Variants in RNLS observed in about 807,000 individuals in gnomAD.
RNLS encodes the protein renalase, FAD dependent amine oxidase.
RNLS carries 39 observed loss-of-function variants against 39.8 expected under a neutral mutation model. That is an observed-to-expected ratio of 0.98 (90% CI 0.76 to 1.28). The LOEUF (loss-of-function observed/expected upper bound fraction) is 1.28. Ranked by LOEUF, RNLS falls within the 50% of genes most tolerant of loss-of-function variation. RNLS has a pLI of 0.00. For missense variants in RNLS, 410 were observed against 413.3 expected, an observed-to-expected ratio of 0.99 and a Z score of 0.07; for synonymous variants, 147 against 150.7, an observed-to-expected ratio of 0.98 and a Z score of 0.18.
At chr10:88,582,942 G>C in intron 1 of RNLS, 131 bp downstream of exon 1, 1 of 1,090,174 alleles carries the variant, frequency 9.2e-7, no homozygotes. Flanking sequence ...CATGGGCCGC[G>C]CTACACGGCC....
chr10:88,416,155 T>C (rs1472377927), intron 4 of RNLS, among the ~76,000 whole-genome samples: 1 of 151,494 alleles, frequency 6.6e-6, no homozygotes, highest in Non-Finnish European at 1.5e-5. Flanking sequence ...TCAAAATTAT[T>C]CAGTTGCTAC....
the RNLS span, among the ~76,000 whole-genome samples, chr10:88,190,280 T>C: frequency 6.6e-6 from 1 of 152,254 alleles, no homozygotes. Flanking sequence ...TCATTCACCA[T>C]CTGTTCTGAT....
chr10:88,561,303 C>T (rs1371925425), intron 4 of RNLS, among the ~76,000 whole-genome samples: 1 of 152,044 alleles, frequency 6.6e-6, no homozygotes, highest in Non-Finnish European at 1.5e-5. Flanking sequence ...TTAAAAATGA[C>T]TTAAAACCAC....
intron 3 of RNLS, among the ~76,000 whole-genome samples, chr10:88,575,155 T>C (rs1436589908): frequency 8.1e-5 from 5 of 62,072 alleles, no homozygotes; most frequent in African/African-American, 4.2e-4. Context: ...TATATATATA[T>C]ATATACACAC....
At chr10:88,194,918 T>C in the RNLS span, among the ~76,000 whole-genome samples, 1 of 152,210 alleles carries the variant, frequency 6.6e-6, no homozygotes, top group African/African-American at 2.4e-5. Flanking sequence ...CTTAACTTTG[T>C]TTTCTTTTTT....
chr10:88,423,656 T>C (rs1268362762), intron 4 of RNLS, among the ~76,000 whole-genome samples: 1 of 152,238 alleles, frequency 6.6e-6, no homozygotes, highest in Non-Finnish European at 1.5e-5. Context: ...ACTTATTGGA[T>C]TTATAAAAAG....
At chr10:88,283,422 C>T (rs1001438413), downstream of RNLS, among the ~76,000 whole-genome samples, 1 of 152,094 alleles carries the variant, frequency 6.6e-6, no homozygotes, top group Admixed American at 6.6e-5. Flanking sequence ...TTCCCTCCCC[C>T]TCCTTTGGAG....
intron 6 of RNLS, among the ~76,000 whole-genome samples, chr10:88,307,385 C>G (rs1278914616): frequency 1.3e-5 from 2 of 152,134 alleles, no homozygotes; most frequent in Admixed American, 6.6e-5. Flanking sequence ...GTTGAACTAC[C>G]CTGTTTGTAG....
At chr10:88,269,191 T>G (rs1176313408), downstream of RNLS, among the ~76,000 whole-genome samples, 1 of 152,208 alleles carries the variant, frequency 6.6e-6, no homozygotes, top group Non-Finnish European at 1.5e-5. Flanking sequence ...TGGCCACTTT[T>G]AAACATATTT....
At chr10:88,493,283 T>C (rs1485121380) in intron 4 of RNLS, among the ~76,000 whole-genome samples, 1 of 152,084 alleles carries the variant, frequency 6.6e-6, no homozygotes, top group East Asian at 1.9e-4. Context: ...TCTGATAATC[T>C]AGCAAAGTAG....
At chr10:88,341,247 T>C (rs1203390336) in intron 5 of RNLS, among the ~76,000 whole-genome samples, 7 of 147,190 alleles carry the variant, frequency 4.8e-5, no homozygotes, top group African/African-American at 1.8e-4. Flanking sequence ...GAGAATTGCT[T>C]GAACCTGGAA....
At chr10:88,430,635 G>A (rs1855076520) in intron 4 of RNLS, among the ~76,000 whole-genome samples, 1 of 151,726 alleles carries the variant, frequency 6.6e-6, no homozygotes, top group Admixed American at 6.6e-5. Context: ...TTCACAGATG[G>A]CCATTGATTG....
chr10:88,376,673 A>G (rs1215267316), intron 4 of RNLS, among the ~76,000 whole-genome samples: 1 of 152,164 alleles, frequency 6.6e-6, no homozygotes, highest in East Asian at 1.9e-4. Flanking sequence ...TACCAAAATC[A>G]GAATGGGATT....
chr10:88,246,633 T>G, the RNLS span, among the ~76,000 whole-genome samples: 1 of 152,144 alleles, frequency 6.6e-6, no homozygotes, highest in Admixed American at 6.5e-5. Context: ...TTTTTTTCCT[T>G]CCCGTTCCTT....
intron 4 of RNLS, among the ~76,000 whole-genome samples, chr10:88,424,486 A>G (rs1350076228): frequency 6.6e-6 from 1 of 152,058 alleles, no homozygotes; most frequent in Non-Finnish European, 1.5e-5. Flanking sequence ...AGACCACAAG[A>G]AAAGCAGCAT....
At chr10:88,194,821 A>C in the RNLS span, among the ~76,000 whole-genome samples, 1 of 152,342 alleles carries the variant, frequency 6.6e-6, no homozygotes, top group South Asian at 2.1e-4. Flanking sequence ...TATCTTCAAA[A>C]ATTGTTTATT....
chr10:88,288,380 A>G (rs1324946054), intron 6 of RNLS, among the ~76,000 whole-genome samples: 1 of 152,164 alleles, frequency 6.6e-6, no homozygotes, highest in Non-Finnish European at 1.5e-5. Context: ...ATTTCCATAA[A>G]GACTCGATGA....
At chr10:88,543,844 A>G (rs1464246435) in intron 4 of RNLS, among the ~76,000 whole-genome samples, 1 of 152,164 alleles carries the variant, frequency 6.6e-6, no homozygotes, top group Non-Finnish European at 1.5e-5. Context: ...TAAAATATAT[A>G]TTATTTGCTT....
chr10:88,314,909 A>C (rs1377871813), intron 5 of RNLS, among the ~76,000 whole-genome samples: 1 of 152,204 alleles, frequency 6.6e-6, no homozygotes, highest in Non-Finnish European at 1.5e-5. Flanking sequence ...AGTGCATTTA[A>C]TATGAACTGC....
Sources: gnomAD v4.1 joint callset for allele counts (sites outside exome capture counted in the v4.1 genomes callset) on GRCh38, gnomAD v4.1.1 for gene constraint, MANE v1.5 for transcripts, NCBI Gene and HGNC (gene_info 2026-07-23, HGNC 2026-07-21) for gene names.